The following EPHA3 variants were observed in gnomAD, a reference collection of about 807,000 sequenced individuals.
The protein encoded by EPHA3 is ephrin type-A receptor 3.
Under a neutral mutation model 107.1 loss-of-function variants are expected in EPHA3, and 42 were observed. That is an observed-to-expected ratio of 0.39 (90% CI 0.31 to 0.51). The LOEUF is 0.51. Among genes scored for constraint, EPHA3 ranks in the 20% least tolerant of loss-of-function variants. EPHA3 has a pLI of 0.78. For missense variants in EPHA3, 1,183 were observed against 1,211.2 expected, an observed-to-expected ratio of 0.98 and a Z score of 0.35; for synonymous variants, 461 against 424.8, an observed-to-expected ratio of 1.09 and a Z score of -1.05.
intron 10 of EPHA3, among the ~76,000 whole-genome samples, chr3:89,413,570 G>A (rs1709195214): frequency 6.6e-6 from 1 of 151,550 alleles, no homozygotes; most frequent in Admixed American, 6.6e-5. Context: ...AAGGATAACT[G>A]GATAAAAGTC....
chr3:89,270,621 C>A (rs1705646597), intron 3 of EPHA3, among the ~76,000 whole-genome samples: 1 of 152,060 alleles, frequency 6.6e-6, no homozygotes, highest in African/African-American at 2.4e-5. Flanking sequence ...AAAACTTAAA[C>A]AAATACATGT....
chr3:89,127,557 T>G (rs1189849200), intron 2 of EPHA3, among the ~76,000 whole-genome samples: 4 of 152,030 alleles, frequency 2.6e-5, no homozygotes, highest in Non-Finnish European at 2.9e-5. Flanking sequence ...GAGTGACTTT[T>G]TTTGATGTGA....
chr3:89,401,617 T>C (rs1275629047), intron 7 of EPHA3, among the ~76,000 whole-genome samples: 1 of 152,164 alleles, frequency 6.6e-6, no homozygotes, highest in Admixed American at 6.5e-5. Context: ...AAAATCTCTT[T>C]CTTTTTTTGT....
intron 3 of EPHA3, among the ~76,000 whole-genome samples, chr3:89,226,687 T>G (rs554947620): frequency 4.7e-4 from 72 of 152,196 alleles, no homozygotes; most frequent in African/African-American, 1.7e-3. Context: ...CTAACATGGT[T>G]CAGGATTGTT....
At chr3:89,239,783 T>G (rs149595181) in intron 3 of EPHA3, among the ~76,000 whole-genome samples, 8 of 152,342 alleles carry the variant, frequency 5.3e-5, no homozygotes, top group African/African-American at 1.9e-4. Context: ...AGTGACAGAT[T>G]GCATAGGTTG....
At chr3:89,173,085 A>G (rs992875723) in intron 2 of EPHA3, among the ~76,000 whole-genome samples, 11 of 152,158 alleles carry the variant, frequency 7.2e-5, no homozygotes, top group African/African-American at 2.7e-4. Flanking sequence ...AGAGATAGAT[A>G]TACATATAAA....
At chr3:89,197,420 CAT>C (rs1431423780) in intron 2 of EPHA3, among the ~76,000 whole-genome samples, 1 of 82,066 alleles carries the variant, frequency 1.2e-5, no homozygotes, top group Non-Finnish European at 3.1e-5. Context: ...TAAAAAAAAA[CAT>C]AAAAACATAA....
chr3:89,204,532 C>T (rs1005091453), intron 2 of EPHA3, among the ~76,000 whole-genome samples: 2 of 150,818 alleles, frequency 1.3e-5, no homozygotes, highest in African/African-American at 2.4e-5. Context: ...CAATTCTATT[C>T]CTCATTTGTC....
intron 1 of EPHA3, among the ~76,000 whole-genome samples, chr3:89,124,904 C>T (rs953523717): frequency 1.3e-5 from 2 of 151,930 alleles, no homozygotes; most frequent in Non-Finnish European, 1.5e-5. Context: ...ACTGTATGGT[C>T]TAACCTATTT....
At chr3:89,234,378 A>G (rs1337512353) in intron 3 of EPHA3, among the ~76,000 whole-genome samples, 1 of 152,192 alleles carries the variant, frequency 6.6e-6, no homozygotes, top group Non-Finnish European at 1.5e-5. Flanking sequence ...AAGCTCTGCA[A>G]AACTGTTTGG....
chr3:89,420,242 T>C (rs533190408), intron 11 of EPHA3, among the ~76,000 whole-genome samples: 1 of 151,594 alleles, frequency 6.6e-6, no homozygotes, highest in South Asian at 2.1e-4. Context: ...TGGCACCACA[T>C]TTACATACTC....
chr3:89,455,639 A>G (rs1367907610), intron 15 of EPHA3, among the ~76,000 whole-genome samples: 3 of 152,188 alleles, frequency 2.0e-5, no homozygotes, highest in African/African-American at 7.2e-5. Flanking sequence ...GACTTGTGCC[A>G]CCTTCATCTA....
intron 2 of EPHA3, among the ~76,000 whole-genome samples, chr3:89,161,591 C>G (rs548836739): frequency 2.0e-5 from 3 of 151,884 alleles, no homozygotes; most frequent in Admixed American, 1.3e-4. Context: ...TTTTTACTGA[C>G]GGGCAGTCAT....
chr3:89,265,869 TG>T (rs1428090391), intron 3 of EPHA3, among the ~76,000 whole-genome samples: 1 of 152,130 alleles, frequency 6.6e-6, no homozygotes, highest in African/African-American at 2.4e-5. Context: ...TCTCTGCCTT[TG>T]GGGAATGTGA....
chr3:89,364,914 A>G (rs1427771227), intron 5 of EPHA3, among the ~76,000 whole-genome samples: 1 of 151,000 alleles, frequency 6.6e-6, no homozygotes, highest in African/African-American at 2.4e-5. Flanking sequence ...AAGTGACTTT[A>G]CTTCCTAACA....
At chr3:89,268,458 T>C (rs1705587816) in intron 3 of EPHA3, among the ~76,000 whole-genome samples, 2 of 152,152 alleles carry the variant, frequency 1.3e-5, no homozygotes. Context: ...AAAGGGATAC[T>C]TCAAGTTTCT....
intron 11 of EPHA3, among the ~76,000 whole-genome samples, chr3:89,428,198 C>T (rs1709495407): frequency 6.6e-6 from 1 of 151,934 alleles, no homozygotes; most frequent in Non-Finnish European, 1.5e-5. Context: ...CCCTCATTAT[C>T]AGTTTCCGAA....
chr3:89,173,682 C>A (rs1200657741), intron 2 of EPHA3, among the ~76,000 whole-genome samples: 1 of 151,926 alleles, frequency 6.6e-6, no homozygotes, highest in South Asian at 2.1e-4. Flanking sequence ...TGTCTGCTTA[C>A]TTTTTGGTCA....
At chr3:89,274,247 T>C (rs1705750374) in intron 3 of EPHA3, among the ~76,000 whole-genome samples, 1 of 152,118 alleles carries the variant, frequency 6.6e-6, no homozygotes, top group Admixed American at 6.6e-5. Flanking sequence ...TCAACAATAA[T>C]TGATGTTTTG....
Sources: gnomAD v4.1 joint callset for allele counts (sites outside exome capture counted in the v4.1 genomes callset) on GRCh38, gnomAD v4.1.1 for gene constraint, MANE v1.5 for transcripts, NCBI Gene and HGNC (gene_info 2026-07-23, HGNC 2026-07-21) for gene names.